Variants in MAPK10 observed in about 807,000 individuals in gnomAD.
The protein encoded by MAPK10 is JNK3 alpha protein kinase.
MAPK10 carries 25 observed loss-of-function variants against 59.3 expected under a neutral mutation model. The observed-to-expected ratio is 0.42, with a 90% CI of 0.31 to 0.59. The LOEUF (loss-of-function observed/expected upper bound fraction) is 0.59. MAPK10 is among the 20% of genes least tolerant of loss of function. The pLI is 0.15. For missense variants in MAPK10, 351 were observed against 568.9 expected (o/e 0.62, Z 3.90); for synonymous variants, 190 against 200.5 (o/e 0.95, Z 0.44).
At chr4:86,514,949 T>C (rs1041297736) in intron 1 of MAPK10, among the ~76,000 whole-genome samples, 8 of 152,194 alleles carry the variant, frequency 5.3e-5, no homozygotes, top group African/African-American at 1.9e-4. Context: ...ACCCATCACC[T>C]GAGCAGTGTA....
intron 2 of MAPK10, among the ~76,000 whole-genome samples, chr4:86,320,251 C>G (rs1296681483): frequency 6.6e-6 from 1 of 152,146 alleles, no homozygotes; most frequent in Non-Finnish European, 1.5e-5. Flanking sequence ...ATATATCTCC[C>G]AATCTATAGT....
chr4:86,342,416 A>G (rs1228481431), intron 2 of MAPK10, among the ~76,000 whole-genome samples: 1 of 152,194 alleles, frequency 6.6e-6, no homozygotes, highest in African/African-American at 2.4e-5. Flanking sequence ...TATTATTAAC[A>G]ATGACAATAG....
At chr4:86,237,117 T>G (rs1185663857) in intron 2 of MAPK10, among the ~76,000 whole-genome samples, 2 of 152,126 alleles carry the variant, frequency 1.3e-5, no homozygotes, top group African/African-American at 4.8e-5. Flanking sequence ...TGTGTCAGGT[T>G]TTCTGTTCCT....
At position 86,141,594 on chromosome 4, in the gene MAPK10, G is replaced by A. The variant is rs192200619; in HGVS notation, c.236+17704C>T. The stretch of plus-strand genomic sequence containing the variant: ...AACAGAAAGAAAAGCCATTCCTGGG[G>A]TAATAATAATATAGGCCTGGATATT... On this transcript the variant is annotated intron_variant, in intron 4 of 13. Transcript: ENST00000641462. Among the ~76,000 whole-genome samples, 86 of 152,242 alleles carry A rather than the reference G, an allele frequency of 5.6e-4. 1 individual carries two copies. In the East Asian group the frequency reaches 0.013, roughly 23 times the overall value.
At chr4:86,332,262 T>C (rs1259887729) in intron 2 of MAPK10, among the ~76,000 whole-genome samples, 1 of 152,222 alleles carries the variant, frequency 6.6e-6, no homozygotes, top group Non-Finnish European at 1.5e-5. Flanking sequence ...TTGTTTGAAA[T>C]AACACTTTAC....
intron 11 of MAPK10, among the ~76,000 whole-genome samples, chr4:86,037,085 C>A (rs961289516): frequency 6.6e-6 from 1 of 152,098 alleles, no homozygotes; most frequent in East Asian, 1.9e-4. Context: ...TGTTGGCAGA[C>A]AGTACAGACA....
intron 2 of MAPK10, among the ~76,000 whole-genome samples, chr4:86,306,724 C>T (rs947748160): frequency 2.0e-5 from 3 of 152,064 alleles, no homozygotes; most frequent in East Asian, 3.9e-4. Context: ...AAAAATGTGG[C>T]ATATATTTGC....
intron 6 of MAPK10, chr4:86,102,412 T>A: frequency 5.9e-6 from 1 of 169,498 alleles, no homozygotes; most frequent in Admixed American, 5.9e-5. Flanking sequence ...GGGAATCACT[T>A]CCTCTCCTCC....
chr4:86,415,195 A>T (rs1317549341), intron 1 of MAPK10, among the ~76,000 whole-genome samples: 1 of 151,528 alleles, frequency 6.6e-6, no homozygotes, highest in Non-Finnish European at 1.5e-5. Flanking sequence ...TGCCTTGTAT[A>T]CTCATCATGT....
chr4:86,580,224 C>A (rs145232725), intron 1 of MAPK10, among the ~76,000 whole-genome samples: 124 of 152,264 alleles, frequency 8.1e-4, no homozygotes, highest in African/African-American at 2.9e-3. Context: ...GTTGGCCGGA[C>A]GCTGTGGCTC....
At chr4:86,313,081 A>G (rs1564267938) in intron 2 of MAPK10, among the ~76,000 whole-genome samples, 1 of 152,134 alleles carries the variant, frequency 6.6e-6, no homozygotes. Flanking sequence ...ATGAATACAT[A>G]TATATACACA....
At chr4:86,359,426 A>C (rs1736317125) in intron 1 of MAPK10, among the ~76,000 whole-genome samples, 1 of 149,046 alleles carries the variant, frequency 6.7e-6, no homozygotes, top group African/African-American at 2.5e-5. Context: ...GCTACCCCTC[A>C]CTCCAAATGG....
At chr4:86,401,620 T>C (rs1437025239) in intron 1 of MAPK10, among the ~76,000 whole-genome samples, 1 of 152,230 alleles carries the variant, frequency 6.6e-6, no homozygotes, top group Non-Finnish European at 1.5e-5. Context: ...AAGCTTAATG[T>C]ATGACTCAAA....
chr4:86,312,898 T>A (rs2095698501), intron 2 of MAPK10, among the ~76,000 whole-genome samples: 1 of 152,142 alleles, frequency 6.6e-6, no homozygotes, highest in South Asian at 2.1e-4. Flanking sequence ...AAGCTATGTG[T>A]ACTTTTGGCG....
chr4:86,270,621 AT>A (rs2094405297), intron 2 of MAPK10, among the ~76,000 whole-genome samples: 1 of 152,056 alleles, frequency 6.6e-6, no homozygotes, highest in Non-Finnish European at 1.5e-5. Flanking sequence ...CACAACCCCA[AT>A]AAAAATGTAG....
chr4:86,308,559 C>T (rs1317019365), intron 2 of MAPK10: 2 of 152,080 alleles, frequency 1.3e-5, no homozygotes, highest in African/African-American at 4.8e-5. Flanking sequence ...CAGGCCATCC[C>T]CACTTTTGCA....
chr4:86,383,503 T>G (rs912477695), intron 1 of MAPK10, among the ~76,000 whole-genome samples: 4 of 152,188 alleles, frequency 2.6e-5, no homozygotes, highest in Non-Finnish European at 5.9e-5. Context: ...TTTTTATATT[T>G]TTCCATGGAG....
chr4:86,102,348 A>G (rs2055593910), intron 6 of MAPK10: 2 of 240,008 alleles, frequency 8.3e-6, no homozygotes, highest in African/African-American at 4.4e-5. Context: ...GAAAAAAATT[A>G]AGGACAGCTT....
intron 1 of MAPK10, among the ~76,000 whole-genome samples, chr4:86,394,798 A>C (rs1742693650): frequency 6.6e-6 from 1 of 152,196 alleles, no homozygotes; most frequent in Non-Finnish European, 1.5e-5. Flanking sequence ...AAACGTTAGC[A>C]AATCTTGGCT....
Sources: gnomAD v4.1 joint callset for allele counts (sites outside exome capture counted in the v4.1 genomes callset) on GRCh38, gnomAD v4.1.1 for gene constraint, MANE v1.5 for transcripts, NCBI Gene and HGNC (gene_info 2026-07-23, HGNC 2026-07-21) for gene names.